LRRC4C: variants seen among roughly 807,000 people sequenced by gnomAD.
The protein encoded by LRRC4C is leucine-rich repeat-containing protein 4C.
Under a neutral mutation model 33.6 loss-of-function variants are expected in LRRC4C, and 5 were observed. The ratio of observed to expected loss-of-function variants is 0.15; its 90% CI spans 0.08 to 0.31. The LOEUF is 0.31. Among genes scored for constraint, LRRC4C ranks in the 10% least tolerant of loss-of-function variants. The pLI, the probability that LRRC4C is intolerant of heterozygous loss-of-function variation, is 1.00. For missense variants in LRRC4C, 560 were observed against 796.7 expected (o/e 0.70, Z 3.58); for synonymous variants, 329 against 302.0 (o/e 1.09, Z -0.93).
intron 1 of LRRC4C, among the ~76,000 whole-genome samples, chr11:41,058,141 G>T (rs1014980022): frequency 6.6e-6 from 1 of 152,250 alleles, no homozygotes; most frequent in South Asian, 2.1e-4. Flanking sequence ...GCAAAGAGAA[G>T]GAAAGAAGAA....
chr11:41,180,911 A>T (rs998100569), intron 1 of LRRC4C, among the ~76,000 whole-genome samples: 13 of 144,494 alleles, frequency 9.0e-5, no homozygotes, highest in African/African-American at 1.7e-4. Flanking sequence ...AGAAGTGATT[A>T]AAAAAAAAAT....
chr11:41,130,532 C>T (rs1434315692), intron 1 of LRRC4C, among the ~76,000 whole-genome samples: 1 of 151,886 alleles, frequency 6.6e-6, no homozygotes, highest in Admixed American at 6.6e-5. Context: ...CTTATATCAT[C>T]CAGACATTTA....
intron 2 of LRRC4C, among the ~76,000 whole-genome samples, chr11:40,870,901 C>G (rs1954605250): frequency 6.6e-6 from 1 of 152,150 alleles, no homozygotes; most frequent in Non-Finnish European, 1.5e-5. Context: ...TCTCTTCTTT[C>G]AAAAGCAAAT....
intron 3 of LRRC4C, among the ~76,000 whole-genome samples, chr11:40,553,446 T>C (rs752200834): frequency 7.9e-5 from 12 of 151,948 alleles, no homozygotes; most frequent in Admixed American, 3.3e-4. Flanking sequence ...GTAACATAAT[T>C]TTTTTTTGAA....
At chr11:40,577,832 C>CTTTTTTTTTTT (rs56061263) in intron 3 of LRRC4C, among the ~76,000 whole-genome samples, 2 of 119,366 alleles carry the variant, frequency 1.7e-5, no homozygotes, top group Non-Finnish European at 3.4e-5. Context: ...TTTCTTTTTT[C>CTTTTTTTTTTT]TTTTTTTTTT....
chr11:40,652,963 T>C (rs1453968472), intron 2 of LRRC4C, among the ~76,000 whole-genome samples: 1 of 152,166 alleles, frequency 6.6e-6, no homozygotes, highest in African/African-American at 2.4e-5. Context: ...TAAATTCTCA[T>C]GAGATTTGAT....
At chr11:41,309,877 A>G (rs1950599995) in intron 1 of LRRC4C, among the ~76,000 whole-genome samples, 1 of 152,238 alleles carries the variant, frequency 6.6e-6, no homozygotes, top group Non-Finnish European at 1.5e-5. Flanking sequence ...ACAATTGAAC[A>G]TAATTTAGTA....
chr11:41,201,367 C>T lies in LRRC4C; in HGVS notation c.-496+258064G>A, dbSNP rs574150646. Among the ~76,000 whole-genome samples, 31 of 152,264 alleles carry T rather than the reference C, an allele frequency of 2.0e-4. 1 individual carries two copies. The South Asian group carries it at 5.0e-3, about 24-fold the overall frequency. ...CCAATCCCAACGTGACACCTAGTGG[C>T]GGCTCTAGGTTTAACCCTTCAGGTT... On this transcript the variant is annotated intron_variant, in intron 1 of 6. Coordinates refer to ENST00000528697, the MANE Select transcript of LRRC4C (RefSeq NM_001258419.2).
intron 3 of LRRC4C, among the ~76,000 whole-genome samples, chr11:40,415,842 G>A (rs1210451093): frequency 6.6e-6 from 1 of 152,086 alleles, no homozygotes; most frequent in African/African-American, 2.4e-5. Context: ...ATCAAGAAAG[G>A]AAATAAAAGC....
At chr11:40,970,880 T>C (rs537674808) in intron 1 of LRRC4C, among the ~76,000 whole-genome samples, 20 of 152,320 alleles carry the variant, frequency 1.3e-4, no homozygotes, top group African/African-American at 4.3e-4. Context: ...TAGAGATCTA[T>C]GGAAATTTGA....
intron 5 of LRRC4C, among the ~76,000 whole-genome samples, chr11:40,152,542 C>T (rs999486103): frequency 2.0e-5 from 3 of 152,152 alleles, no homozygotes; most frequent in African/African-American, 7.2e-5. Flanking sequence ...AGATAGCCTC[C>T]AGCAAGTTTT....
intron 1 of LRRC4C, among the ~76,000 whole-genome samples, chr11:40,934,165 T>C (rs1375684439): frequency 2.6e-5 from 4 of 152,228 alleles, no homozygotes; most frequent in African/African-American, 9.6e-5. Context: ...TCACTTGAAA[T>C]GTCATTATTC....
chr11:40,792,221 A>G (rs1024851240), intron 2 of LRRC4C, among the ~76,000 whole-genome samples: 5 of 152,104 alleles, frequency 3.3e-5, no homozygotes, highest in African/African-American at 1.2e-4. Context: ...CTTTTGAATA[A>G]TTATGAAATC....
At chr11:40,450,106 C>T (rs973825816) in intron 3 of LRRC4C, among the ~76,000 whole-genome samples, 1 of 151,966 alleles carries the variant, frequency 6.6e-6, no homozygotes, top group African/African-American at 2.4e-5. Flanking sequence ...ATAGCAATCC[C>T]TCATTATTAT....
intron 3 of LRRC4C, among the ~76,000 whole-genome samples, chr11:40,453,202 C>T (rs1481175004): frequency 6.6e-6 from 1 of 151,970 alleles, no homozygotes; most frequent in Non-Finnish European, 1.5e-5. Flanking sequence ...TGATTGGAAT[C>T]TCAATTCTAA....
intron 5 of LRRC4C, among the ~76,000 whole-genome samples, chr11:40,169,808 C>T (rs905568128): frequency 1.3e-5 from 2 of 152,062 alleles, no homozygotes; most frequent in East Asian, 3.9e-4. Flanking sequence ...ACAATTCACA[C>T]GATTTCTTAT....
intron 1 of LRRC4C, among the ~76,000 whole-genome samples, chr11:41,146,987 C>T (rs1044812418): frequency 6.6e-6 from 1 of 152,172 alleles, no homozygotes; most frequent in Non-Finnish European, 1.5e-5. Context: ...CTCTTAAATA[C>T]TTTATTTTGT....
At chr11:40,253,847 G>T (rs1266393494) in intron 4 of LRRC4C, among the ~76,000 whole-genome samples, 1 of 152,148 alleles carries the variant, frequency 6.6e-6, no homozygotes, top group South Asian at 2.1e-4. Context: ...AGTATTAAAT[G>T]AGTTAATAGT....
chr11:40,350,300 T>C (rs898096294), intron 3 of LRRC4C, among the ~76,000 whole-genome samples: 1 of 152,148 alleles, frequency 6.6e-6, no homozygotes, highest in Non-Finnish European at 1.5e-5. Flanking sequence ...AGATTTATTC[T>C]TCTGCATATG....
Sources: allele counts gnomAD v4.1 joint callset (sites outside exome capture counted in the v4.1 genomes callset), GRCh38; gene constraint gnomAD v4.1.1; transcripts MANE v1.5; gene names NCBI Gene and HGNC (gene_info 2026-07-23, HGNC 2026-07-21).